The following CEP164 variants were observed in gnomAD, a reference collection of about 807,000 sequenced individuals.
CEP164 encodes the protein centrosomal protein 164, also known as centrosomal protein of 164 kDa.
A neutral mutation model predicts 182.7 loss-of-function variants in CEP164; 162 were observed. The observed-to-expected ratio is 0.89, with a 90% CI of 0.78 to 1.01. CEP164 has a LOEUF of 1.01. Among genes scored for constraint, CEP164 ranks in the 50% least tolerant of loss-of-function variants. The pLI, the probability that CEP164 is intolerant of heterozygous loss-of-function variation, is 0.00. For synonymous variants in CEP164, 661 were observed against 690.0 expected, an observed-to-expected ratio of 0.96 and a Z score of 0.66; for missense variants, 1,735 against 1,790.4, an observed-to-expected ratio of 0.97 and a Z score of 0.56.
chr11:117,390,669 T>A, intron 15 of CEP164, 108 bp from the exon 16 acceptor site: 1 of 1,393,970 alleles, frequency 7.2e-7, no homozygotes, highest in Non-Finnish European at 9.8e-7. Context: ...ATTTAGGAAG[T>A]TTCTTAGGCA....
chr11:117,352,014 G>C lies in CEP164; in HGVS notation c.393+26G>C, dbSNP rs774785027. On this transcript the variant is annotated intron_variant, in intron 5 of 32. Coordinates refer to ENST00000278935, the MANE Select transcript of CEP164 (RefSeq NM_014956.5). ...GTGAGTCAGTGGATGCCTCCTCCCA[G>C]AGAGGCCAGGGCTGAAATCTGGAGG... 3.5e-5 allele frequency: 54 copies of C among 1,547,312 alleles called. No homozygotes were observed. The Middle Eastern group carries it at 8.7e-4, about 25-fold the overall frequency.
intron 28 of CEP164, chr11:117,408,542 C>T: frequency 3.0e-6 from 1 of 328,366 alleles, no homozygotes; most frequent in Non-Finnish European, 5.8e-6. Flanking sequence ...GGGACATATG[C>T]TGAGCCTTGC....
chr11:117,397,081 C>T lies in CEP164; in HGVS notation c.3279-10C>T, dbSNP rs1473153584. On this transcript the variant is annotated splice_polypyrimidine_tract_variant and intron_variant, in intron 26 of 32. Transcript: ENST00000278935. ...GCTTCTGTTTTCCTTCTTCAACTCT[C>T]CTGCTCCAGCCTGTCCTCCCACAAT... is the stretch of plus-strand genomic sequence containing the variant. 3 of 1,611,834 alleles carry T rather than the reference C, an allele frequency of 1.9e-6. No individual in the cohort carries two copies. The highest frequency in any genetic ancestry group is 2.5e-6 in the Non-Finnish European group (3 of 1,178,922).
chr11:117,349,315 A>T (rs1337378546), intron 4 of CEP164, among the ~76,000 whole-genome samples: 1 of 152,012 alleles, frequency 6.6e-6, no homozygotes, highest in Non-Finnish European at 1.5e-5. Context: ...CTGTTTATCA[A>T]TTTATCTATC....
At chr11:117,410,713 G>A in intron 30 of CEP164, 115 bp from the exon 31 acceptor site, 2 of 745,064 alleles carry the variant, frequency 2.7e-6, no homozygotes, top group Non-Finnish European at 4.5e-6. Flanking sequence ...CCTGTCTCTG[G>A]CCTCCAGCCA....
chr11:117,344,322 C>A, intron 4 of CEP164, 45 bp downstream of exon 4: 1 of 1,317,676 alleles, frequency 7.6e-7, no homozygotes, highest in Non-Finnish European at 1.1e-6. Context: ...CTAGCAGAGG[C>A]AGAGGGAAGC....
At chr11:117,392,737 C>T (rs2044834475) in intron 19 of CEP164, 110 bp downstream of exon 19, 2 of 1,444,722 alleles carry the variant, frequency 1.4e-6, no homozygotes, top group African/African-American at 2.8e-5. Flanking sequence ...GATGGCTCAG[C>T]TGGGGTTAGC....
chr11:117,384,416 T>C (rs2043704958), intron 14 of CEP164, among the ~76,000 whole-genome samples: 1 of 152,216 alleles, frequency 6.6e-6, no homozygotes, highest in African/African-American at 2.4e-5. Flanking sequence ...CCTTGGTGGC[T>C]GTGGTTAGCC....
At chr11:117,400,985 T>A (rs1029251185) in intron 27 of CEP164, among the ~76,000 whole-genome samples, 1 of 152,216 alleles carries the variant, frequency 6.6e-6, no homozygotes, top group Non-Finnish European at 1.5e-5. Context: ...TGTTTCTTTC[T>A]CTTGCCTGAT....
At position 117,340,268 on chromosome 11, in the gene CEP164, C is replaced by T. The variant is rs116980651; in HGVS notation, c.82+1600C>T. Among the ~76,000 whole-genome samples the T allele has an allele frequency of 3.4e-3, 515 of 152,322 alleles. 3 individuals are homozygous for T. Among genetic ancestry groups the T allele is most frequent in the East Asian group, 0.025 (131 of 5,180 alleles). On this transcript the variant is annotated intron_variant, in intron 3 of 32. Transcript: ENST00000278935. ...GTCTCAAACTGACAAGTGATCTCCC[C>T]GTCTTGGCCTCCCAGAGGATTGGGA...
At chr11:117,380,393 C>T (rs774848967) in intron 11 of CEP164, among the ~76,000 whole-genome samples, 10 of 152,166 alleles carry the variant, frequency 6.6e-5, no homozygotes, top group Admixed American at 1.3e-4. Context: ...ACATCTTCCC[C>T]AGGCCTCAAG....
In CEP164 at chr11:117,409,279, G is replaced by C. The variant is rs143602957; in HGVS notation, c.3748+251G>C. ...TACGGTGTGACCACTGGCCTTGCTG[G>C]CCTCTTCTCTTCCAGGGCCTCCTTG... On this transcript the variant is annotated intron_variant, in intron 29 of 32. Coordinates refer to ENST00000278935, the MANE Select transcript of CEP164 (RefSeq NM_014956.5). This position sits in a 1 kb window ranked among gnomAD's most constrained non-coding sequence, Gnocchi z 4.4. The C allele has an allele frequency of 5.2e-4, 304 of 588,296 alleles. 2 individuals carry two copies. Among genetic ancestry groups the C allele is most frequent in the African/African-American group, 4.2e-3 (228 of 53,842 alleles). The allele number at this position is 588,296 out of a possible 1,614,324, so 36.4% of individuals were successfully genotyped here.
Position 117,394,560 on chromosome 11 carries a change from C to T in CEP164, c.2760+67C>T. ...ATGCACAGTAGGAAGGTGCTGGGAG[C>T]AGACGCATGGCCCCAGCAGGATGCA... On this transcript the variant is annotated intron_variant, in intron 21 of 32. Transcript: ENST00000278935. This position sits in a 1 kb window ranked among gnomAD's most constrained non-coding sequence, Gnocchi z 4.0. 2 of 1,571,996 alleles carry T rather than the reference C, an allele frequency of 1.3e-6. No homozygotes were observed. The highest frequency in any genetic ancestry group is 1.3e-5 in the African/African-American group (1 of 74,126).
At chr11:117,367,633 T>C (rs1309086836) in intron 8 of CEP164, among the ~76,000 whole-genome samples, 1 of 152,240 alleles carries the variant, frequency 6.6e-6, no homozygotes, top group Non-Finnish European at 1.5e-5. Flanking sequence ...CATTAACTCA[T>C]CATTTAGCAT....
intron 9 of CEP164, 53 bp from the exon 10 acceptor site, chr11:117,373,698 A>T: frequency 6.6e-7 from 1 of 1,511,896 alleles, no homozygotes; most frequent in South Asian, 1.1e-5. Flanking sequence ...GGTAGGGACC[A>T]TGACTCTTTG....
intron 1 of CEP164, among the ~76,000 whole-genome samples, chr11:117,322,731 TTA>T (rs201165828): frequency 1.7e-4 from 25 of 148,734 alleles, no homozygotes; most frequent in Non-Finnish European, 3.1e-4. Context: ...TATTTTGTGT[TTA>T]TATATATATA....
chr11:117,397,000 C>T, intron 26 of CEP164, 91 bp from the exon 27 acceptor site: 1 of 1,176,182 alleles, frequency 8.5e-7, no homozygotes. Context: ...GGTCTGTGCT[C>T]AGGGTTGGCA....
intron 4 of CEP164, among the ~76,000 whole-genome samples, 185 bp downstream of exon 4, chr11:117,344,462 C>A (rs955866971): frequency 2.6e-5 from 4 of 152,180 alleles, no homozygotes; most frequent in African/African-American, 9.7e-5. Context: ...ACTGAATGGT[C>A]CCTGGTCCCT....
chr11:117,322,583 T>C (rs1449890891), intron 1 of CEP164, among the ~76,000 whole-genome samples: 1 of 151,406 alleles, frequency 6.6e-6, no homozygotes, highest in African/African-American at 2.4e-5. Flanking sequence ...TGAGACAGAG[T>C]TTTACTCTTG....
Sources: allele counts gnomAD v4.1 joint callset (sites outside exome capture counted in the v4.1 genomes callset), GRCh38; gene constraint gnomAD v4.1.1; non-coding constraint Gnocchi (gnomAD v3.1); transcripts MANE v1.5; gene names NCBI Gene and HGNC (gene_info 2026-07-23, HGNC 2026-07-21).